PKD1L1: variants seen among roughly 807,000 people sequenced by gnomAD.
PKD1L1 encodes polycystin-1-like protein 1.
PKD1L1 carries 236 observed loss-of-function variants against 323.4 expected under a neutral mutation model. The ratio of observed to expected loss-of-function variants is 0.73; its 90% confidence interval spans 0.66 to 0.81. PKD1L1 has a LOEUF of 0.81. Among genes scored for constraint, PKD1L1 ranks in the 40% least tolerant of loss-of-function variants. The pLI is 0.00. For synonymous variants in PKD1L1, 1,344 were observed against 1,335.0 expected (o/e 1.01, Z -0.15); for missense variants, 3,320 against 3,508.0 (o/e 0.95, Z 1.35).
chr7:47,831,062 C>A (rs546172215), intron 42 of PKD1L1, among the ~76,000 whole-genome samples, 155 bp downstream of exon 42: 2 of 152,242 alleles, frequency 1.3e-5, no homozygotes, highest in Non-Finnish European at 2.9e-5. Context: ...ATTTTATTTA[C>A]CCCAGGAGAT....
intron 9 of PKD1L1, among the ~76,000 whole-genome samples, chr7:47,906,721 C>A (rs1353851211): frequency 6.6e-6 from 1 of 152,060 alleles, no homozygotes; most frequent in Non-Finnish European, 1.5e-5. Flanking sequence ...AGAGAAAATA[C>A]TTGTTTATAA....
At chr7:47,814,224 T>C (rs527940166) in intron 47 of PKD1L1, among the ~76,000 whole-genome samples, 6 of 152,298 alleles carry the variant, frequency 3.9e-5, no homozygotes, top group African/African-American at 1.4e-4. Context: ...TGGAAAAGGG[T>C]TAACGTTCAA....
chr7:47,864,361 A>G (rs1786100727), intron 26 of PKD1L1, among the ~76,000 whole-genome samples: 1 of 152,138 alleles, frequency 6.6e-6, no homozygotes, highest in African/African-American at 2.4e-5. Context: ...TCAAGCAGCA[A>G]TGCAGGGGGA....
upstream of PKD1L1, among the ~76,000 whole-genome samples, chr7:47,951,520 G>T (rs910904457): frequency 1.3e-5 from 2 of 152,198 alleles, no homozygotes; most frequent in African/African-American, 4.8e-5. Context: ...ATGAATACCT[G>T]AAAGTAGGTA....
chr7:47,849,386 G>T (rs543506181), intron 31 of PKD1L1, among the ~76,000 whole-genome samples: 1 of 152,100 alleles, frequency 6.6e-6, no homozygotes, highest in Admixed American at 6.5e-5. Context: ...CAAAGCAAAA[G>T]AAATAATCAG....
At chr7:47,896,139 G>A (rs1453029166) in intron 14 of PKD1L1, among the ~76,000 whole-genome samples, 1 of 151,934 alleles carries the variant, frequency 6.6e-6, no homozygotes, top group Non-Finnish European at 1.5e-5. Flanking sequence ...GAGTTCGAGA[G>A]CAGCCTGTGC....
intron 42 of PKD1L1, 132 bp from the exon 43 acceptor site, chr7:47,830,256 G>T (rs538322746): frequency 1.0e-5 from 7 of 690,030 alleles, no homozygotes; most frequent in Non-Finnish European, 1.7e-5. Flanking sequence ...CCTGCTGTGG[G>T]GGTGGTGCTG....
intron 26 of PKD1L1, 144 bp from the exon 27 acceptor site, chr7:47,859,029 C>T: frequency 9.4e-7 from 1 of 1,058,890 alleles, no homozygotes; most frequent in Admixed American, 2.6e-5. Context: ...GCATATGATG[C>T]ATATATTCTT....
intron 32 of PKD1L1, among the ~76,000 whole-genome samples, chr7:47,845,594 G>T (rs1172014041): frequency 6.6e-6 from 1 of 152,098 alleles, no homozygotes; most frequent in Non-Finnish European, 1.5e-5. Flanking sequence ...TAAATTTTTT[G>T]TTTGTTTGTT....
At chr7:47,885,415 A>G (rs570882790) in intron 18 of PKD1L1, among the ~76,000 whole-genome samples, 29 of 152,292 alleles carry the variant, frequency 1.9e-4, no homozygotes, top group African/African-American at 6.7e-4. Flanking sequence ...TGTGGAGTAA[A>G]CAACTACTGT....
chr7:47,940,192 C>T lies in PKD1L1; in HGVS notation c.285+1G>A, dbSNP rs575971098. 6.2e-7 allele frequency: 1 copy of T among 1,614,190 alleles called. No homozygotes were observed. Among genetic ancestry groups the T allele is most frequent in the East Asian group, 2.2e-5 (1 of 44,888 alleles). ...CCTAATTTCCCCAGATCCAGGAATA[C>T]CTTCTGCCTGGAAGCTGATGAGGAT... On this transcript the variant is annotated splice_donor_variant, in intron 3 of 56. Coordinates refer to ENST00000289672, the MANE Select transcript of PKD1L1 (RefSeq NM_138295.5). LOFTEE classifies it high-confidence loss of function.
chr7:47,797,183 G>A (rs1399603533), intron 54 of PKD1L1, among the ~76,000 whole-genome samples: 1 of 152,178 alleles, frequency 6.6e-6, no homozygotes, highest in African/African-American at 2.4e-5. Flanking sequence ...AAGCAGCATC[G>A]TCTAAGGGGT....
chr7:47,854,332 T>C (rs1034314083), intron 30 of PKD1L1, among the ~76,000 whole-genome samples: 1 of 152,168 alleles, frequency 6.6e-6, no homozygotes, highest in Non-Finnish European at 1.5e-5. Context: ...ATCAAGGCCC[T>C]GCCCATCCAG....
intron 41 of PKD1L1, among the ~76,000 whole-genome samples, chr7:47,831,634 C>G (rs936455347): frequency 3.3e-5 from 5 of 152,200 alleles, no homozygotes; most frequent in Non-Finnish European, 7.3e-5. Flanking sequence ...AACAGGGGAA[C>G]TCCTGCCCGA....
At chr7:47,891,534 T>C (rs2128748874) in intron 15 of PKD1L1, among the ~76,000 whole-genome samples, 1 of 152,236 alleles carries the variant, frequency 6.6e-6, no homozygotes, top group East Asian at 1.9e-4. Flanking sequence ...GAACTGATAT[T>C]GATCTTTTAA....
chr7:47,832,383 T>C (rs1785365295), intron 41 of PKD1L1, among the ~76,000 whole-genome samples: 1 of 152,222 alleles, frequency 6.6e-6, no homozygotes, highest in South Asian at 2.1e-4. Flanking sequence ...CGCTGAAGGC[T>C]CACCTGCCTG....
At chr7:47,782,238 T>C (rs1012549097) in intron 56 of PKD1L1, among the ~76,000 whole-genome samples, 2 of 152,178 alleles carry the variant, frequency 1.3e-5, no homozygotes, top group Non-Finnish European at 2.9e-5. Context: ...GTGCAGGGTG[T>C]TGTAGGTCCT....
chr7:47,919,415 G>A (rs752127189), intron 7 of PKD1L1, among the ~76,000 whole-genome samples: 1 of 152,124 alleles, frequency 6.6e-6, no homozygotes, highest in Non-Finnish European at 1.5e-5. Flanking sequence ...TCCAGGTCCA[G>A]ACGAATTCAC....
intron 8 of PKD1L1, among the ~76,000 whole-genome samples, chr7:47,913,990 G>A (rs1324426375): frequency 2.0e-5 from 3 of 152,154 alleles, no homozygotes; most frequent in African/African-American, 7.2e-5. Flanking sequence ...AAGCAATTAA[G>A]AAAGGTGAAA....
Sources: gnomAD v4.1 joint callset for allele counts (sites outside exome capture counted in the v4.1 genomes callset) on GRCh38, gnomAD v4.1.1 for gene constraint, MANE v1.5 for transcripts, NCBI Gene and HGNC (gene_info 2026-07-23, HGNC 2026-07-21) for gene names.